Variants in MAGI2 observed in about 807,000 individuals in gnomAD.
MAGI2 encodes membrane-associated guanylate kinase, WW and PDZ domain-containing protein 2.
MAGI2 carries 35 observed loss-of-function variants against 133.3 expected under a neutral mutation model. The ratio of observed to expected loss-of-function variants is 0.26; its 90% confidence interval spans 0.20 to 0.35. The LOEUF (loss-of-function observed/expected upper bound fraction) is 0.35. MAGI2 is among the 10% of genes least tolerant of loss of function. The probability of loss-of-function intolerance (pLI) is 1.00; values close to 1 mark genes in which losing one functional copy is unlikely to be tolerated. For missense variants in MAGI2, 1,636 were observed against 1,863.4 expected, an observed-to-expected ratio of 0.88 and a Z score of 2.25; for synonymous variants, 729 against 710.6, an observed-to-expected ratio of 1.03 and a Z score of -0.41.
intron 6 of MAGI2, among the ~76,000 whole-genome samples, chr7:78,431,074 C>CTG (rs147567944): frequency 0.1 from 14,866 of 146,418 alleles, 804 homozygotes; most frequent in Non-Finnish European, 0.13. Context: ...GTGAGGTAGG[C>CTG]TGTGTGTGTG....
At chr7:78,336,875 A>G (rs17147824) in intron 9 of MAGI2, among the ~76,000 whole-genome samples, 5,623 of 152,276 alleles carry the variant, frequency 0.037, 160 homozygotes, top group South Asian at 0.13. Flanking sequence ...TTTTACTAAT[A>G]AAATGGATAA....
chr7:78,917,900 G>A (rs1381697810), intron 2 of MAGI2, among the ~76,000 whole-genome samples: 1 of 152,170 alleles, frequency 6.6e-6, no homozygotes, highest in South Asian at 2.1e-4. Flanking sequence ...TGGGGTAAGG[G>A]GGAGAATGGT....
chr7:79,033,534 T>C (rs1368962304), intron 1 of MAGI2, among the ~76,000 whole-genome samples: 2 of 152,228 alleles, frequency 1.3e-5, no homozygotes, highest in African/African-American at 4.8e-5. Flanking sequence ...TGGAATACCT[T>C]AACCAAGACT....
At chr7:78,709,893 C>T (rs573087824) in intron 2 of MAGI2, among the ~76,000 whole-genome samples, 2 of 151,952 alleles carry the variant, frequency 1.3e-5, no homozygotes, top group African/African-American at 4.8e-5. Flanking sequence ...CAGTATTTAC[C>T]CTGTACAGCA....
intron 1 of MAGI2, among the ~76,000 whole-genome samples, chr7:79,136,073 GAAAGAAA>G (rs1821491772): frequency 2.7e-5 from 1 of 37,248 alleles, no homozygotes; most frequent in African/African-American, 1.0e-4. Context: ...AAGAAGGAAA[GAAAGAAA>G]GAAAGAAAGA....
chr7:79,096,121 C>G (rs1027669694), intron 1 of MAGI2, among the ~76,000 whole-genome samples: 1 of 152,070 alleles, frequency 6.6e-6, no homozygotes, highest in Non-Finnish European at 1.5e-5. Context: ...AGGAGCCTGA[C>G]CTCTGAATAT....
chr7:78,718,346 T>C lies in MAGI2; in HGVS notation c.419-91107A>G, dbSNP rs10452970. 9.4e-3 allele frequency among the ~76,000 whole-genome samples: 1,425 copies of C among 152,312 alleles called. 28 individuals are homozygous for C. Among genetic ancestry groups the C allele is most frequent in the African/African-American group, 0.033 (1,358 of 41,586 alleles). ...CTCTAGACCAGGGGTCCTCAACCCC[T>C]GGGCCATGGACTGGTACCATCCTAT... On this transcript the variant is annotated intron_variant, in intron 2 of 21. Transcript: ENST00000354212.
intron 2 of MAGI2, among the ~76,000 whole-genome samples, chr7:78,924,850 CTACTAT>C (rs1471248596): frequency 1.4e-5 from 2 of 147,688 alleles, no homozygotes; most frequent in Admixed American, 6.7e-5. Flanking sequence ...ATTATTATTA[CTACTAT>C]TATTATTATT....
chr7:78,810,825 A>G (rs1788981002), intron 2 of MAGI2, among the ~76,000 whole-genome samples: 1 of 152,070 alleles, frequency 6.6e-6, no homozygotes, highest in South Asian at 2.1e-4. Context: ...AAAATAAGGG[A>G]GTGAAAAATA....
intron 3 of MAGI2, among the ~76,000 whole-genome samples, chr7:78,621,597 G>A (rs1807746899): frequency 6.6e-6 from 1 of 151,928 alleles, no homozygotes. Flanking sequence ...TCAGAATTGG[G>A]GGGTGGAAGC....
chr7:78,148,078 A>C (rs759126464), intron 16 of MAGI2, among the ~76,000 whole-genome samples: 3 of 152,132 alleles, frequency 2.0e-5, no homozygotes, highest in Admixed American at 6.6e-5. Flanking sequence ...ACACAAAAAG[A>C]CCTATATGAA....
intron 9 of MAGI2, among the ~76,000 whole-genome samples, chr7:78,289,679 G>GA (rs928535565): frequency 2.6e-5 from 4 of 152,038 alleles, no homozygotes; most frequent in Admixed American, 6.6e-5. Context: ...TTGAAATGAA[G>GA]AAAAAAATGT....
At chr7:78,864,777 A>G (rs1794419674) in intron 2 of MAGI2, among the ~76,000 whole-genome samples, 1 of 152,194 alleles carries the variant, frequency 6.6e-6, no homozygotes, top group African/African-American at 2.4e-5. Flanking sequence ...TCTCCTTTGA[A>G]GGTAGACATT....
chr7:78,307,491 T>C (rs1798338079), intron 9 of MAGI2, among the ~76,000 whole-genome samples: 1 of 152,200 alleles, frequency 6.6e-6, no homozygotes. Context: ...GTTTTACATA[T>C]GAAATATGCA....
intron 6 of MAGI2, among the ~76,000 whole-genome samples, chr7:78,415,428 T>A (rs972000967): frequency 4.6e-5 from 7 of 152,102 alleles, no homozygotes; most frequent in African/African-American, 1.4e-4. Context: ...TCTGAATACA[T>A]AATATACTAA....
chr7:79,253,275 A>G (rs1473762309), intron 1 of MAGI2, among the ~76,000 whole-genome samples: 1 of 152,158 alleles, frequency 6.6e-6, no homozygotes, highest in Non-Finnish European at 1.5e-5. Context: ...TCTTAAGTAT[A>G]TTTTAACCTT....
intron 2 of MAGI2, among the ~76,000 whole-genome samples, chr7:78,768,793 C>G (rs1182617754): frequency 6.6e-6 from 1 of 152,130 alleles, no homozygotes; most frequent in African/African-American, 2.4e-5. Context: ...CATACTATTG[C>G]ACTATTTTGC....
intron 6 of MAGI2, among the ~76,000 whole-genome samples, chr7:78,403,895 T>C (rs1387326546): frequency 1.3e-5 from 2 of 152,176 alleles, no homozygotes; most frequent in African/African-American, 2.4e-5. Flanking sequence ...GCAGATGACA[T>C]GATTGTGTAT....
At chr7:78,274,939 T>C (rs1396149309) in intron 9 of MAGI2, among the ~76,000 whole-genome samples, 2 of 151,990 alleles carry the variant, frequency 1.3e-5, no homozygotes, top group African/African-American at 4.8e-5. Context: ...TCTTTTCCTT[T>C]CCAGGGGAGT....
Sources: allele counts gnomAD v4.1 joint callset (sites outside exome capture counted in the v4.1 genomes callset), GRCh38; gene constraint gnomAD v4.1.1; transcripts MANE v1.5; gene names NCBI Gene and HGNC (gene_info 2026-07-23, HGNC 2026-07-21).